Variants in LLGL2 observed in about 807,000 individuals in gnomAD.
LLGL2 encodes the protein LLGL scribble cell polarity complex component 2.
A neutral mutation model predicts 123.2 loss-of-function variants in LLGL2; 81 were observed. The ratio of observed to expected loss-of-function variants is 0.66; its 90% CI spans 0.55 to 0.79. The LOEUF (loss-of-function observed/expected upper bound fraction) is 0.79, where lower values mean the gene tolerates loss of function less well. Ranked by LOEUF, LLGL2 falls within the 30% of genes least tolerant of loss-of-function variation. The pLI is 0.00. For synonymous variants in LLGL2, 577 were observed against 594.1 expected (o/e 0.97, Z 0.42); for missense variants, 1,273 against 1,414.6 (o/e 0.90, Z 1.61).
chr17:75,571,922 G>C lies in LLGL2; in HGVS notation c.2318G>C (p.Arg773Pro). 6.2e-7 allele frequency: 1 copy of C among 1,612,350 alleles called. No homozygotes were observed. Among genetic ancestry groups the C allele is most frequent in the Non-Finnish European group, 8.5e-7 (1 of 1,179,978 alleles). Residue 773 changes from arginine to proline, a missense_variant, in exon 19 of 26, where the codon CGG (arginine) becomes CCG (proline). Coordinates refer to ENST00000392550, the MANE Select transcript of LLGL2 (RefSeq NM_001031803.2). ...EQAKEIQLMH[R>P]APVVGILVLD... ...GCCAAGGAGATCCAGCTGATGCACC[G>C]GGCGCCGGTGGTGGGCATCCTGGTG...
intron 10 of LLGL2, among the ~76,000 whole-genome samples, chr17:75,567,439 G>C (rs528374884): frequency 1.6e-3 from 238 of 152,068 alleles, no homozygotes; most frequent in Middle Eastern, 6.8e-3. Flanking sequence ...ACTCCAGCCT[G>C]GGCAACAAGA....
At position 75,541,181 on chromosome 17, in the gene LLGL2, A is replaced by T. The variant is rs183143958; in HGVS notation, c.-30-2216A>T. ...CCCCAGTTCTGCCTTGTCACTTTTA[A>T]GCCTGTGTGGAGTCTTTGGCACGGA... On this transcript the variant is annotated intron_variant, in intron 1 of 25. Coordinates refer to ENST00000392550, the MANE Select transcript of LLGL2 (RefSeq NM_001031803.2). Among the ~76,000 whole-genome samples the T allele has an allele frequency of 3.3e-3, 495 of 152,236 alleles. 1 individual carries two copies. Among genetic ancestry groups the T allele is most frequent in the Middle Eastern group, 6.8e-3 (2 of 294 alleles).
intron 10 of LLGL2, 26 bp from the exon 11 acceptor site, chr17:75,568,449 GC>G (rs745515843): frequency 6.2e-7 from 1 of 1,605,930 alleles, no homozygotes; most frequent in Non-Finnish European, 8.5e-7. Flanking sequence ...CCTGGCCCCG[GC>G]CCCTGACCCT....
chr17:75,532,999 A>T (rs1313745610), intron 1 of LLGL2, among the ~76,000 whole-genome samples: 4 of 151,996 alleles, frequency 2.6e-5, no homozygotes, highest in Non-Finnish European at 5.9e-5. Context: ...CATTCATTCA[A>T]GTACTTTTTT....
chr17:75,532,085 T>G (rs1256939657), intron 1 of LLGL2, among the ~76,000 whole-genome samples: 1 of 36,634 alleles, frequency 2.7e-5, no homozygotes, highest in Non-Finnish European at 1.0e-4. Flanking sequence ...CACTTTTTTT[T>G]TTTTTTTTTT....
intron 1 of LLGL2, among the ~76,000 whole-genome samples, chr17:75,534,011 A>G (rs1452405344): frequency 1.3e-5 from 2 of 150,136 alleles, no homozygotes; most frequent in Non-Finnish European, 3.0e-5. Flanking sequence ...CAGCTGTTCC[A>G]GTTTTAGGGC....
At position 75,574,713 on chromosome 17, in the gene LLGL2, G is replaced by A. The variant is rs574749323; in HGVS notation, c.3055+45G>A. Reference sequence around the variant, plus strand: ...GTGCAGCTGCCAACCGTGCTGGGAAGGGCTGGGAGGAAGAGCCCCGGCCCC... The same window carrying A: ...GTGCAGCTGCCAACCGTGCTGGGAAAGGCTGGGAGGAAGAGCCCCGGCCCC... On this transcript the variant is annotated intron_variant, in intron 25 of 25. Transcript: ENST00000392550. 134 of 1,603,616 alleles carry A rather than the reference G, an allele frequency of 8.4e-5. No individual in the cohort carries two copies. In the South Asian group the frequency reaches 1.2e-3, roughly 15 times the overall value.
At position 75,573,263 on chromosome 17, in the gene LLGL2, A is replaced by G; in HGVS notation, c.2710A>G (p.Thr904Ala). Reference protein sequence around the residue: ...DVSGIASCVFTKYGQGFYLIS... With the variant: ...DVSGIASCVFAKYGQGFYLIS... Reference sequence around the variant, plus strand: ...CAGTGGCATCGCCTCCTGCGTCTTCACCAAATATGGCCAAGGTGTTTGAGC... The same window carrying G: ...CAGTGGCATCGCCTCCTGCGTCTTCGCCAAATATGGCCAAGGTGTTTGAGC... The change falls in exon 20 of 26, where the codon ACC (threonine) becomes GCC (alanine). Residue 904 changes from threonine to alanine, a missense_variant. Transcript: ENST00000392550. 3.7e-6 allele frequency: 6 copies of G among 1,601,764 alleles called. No homozygotes were observed. Among genetic ancestry groups the G allele is most frequent in the Non-Finnish European group, 5.1e-6 (6 of 1,171,372 alleles).
chr17:75,573,064 C>G lies in LLGL2; in HGVS notation c.2511C>G (p.Ala837=). ...CCAAGCTGAAGTTGAAGCTGACGGC[C>G]CTGGAGGGCTCAAGAGTGCGGCGGG... ...VSAKLKLKLT[A]LEGSRVRRVS... The change falls in exon 20 of 26, where the codon GCC becomes GCG. Residue 837 remains alanine (A), a synonymous_variant. Transcript: ENST00000392550. 1 of 1,613,128 alleles carries G rather than the reference C, an allele frequency of 6.2e-7. No homozygotes were observed. The highest frequency in any genetic ancestry group is 1.1e-5 in the South Asian group (1 of 91,076).
intron 6 of LLGL2, among the ~76,000 whole-genome samples, chr17:75,560,845 AT>A (rs201231487): frequency 0.014 from 1,800 of 133,318 alleles, 60 homozygotes; most frequent in African/African-American, 0.051. Flanking sequence ...AAGAAAAAAC[AT>A]TTTTTTTGAG....
In LLGL2 at chr17:75,571,929, G is replaced by A. The variant is rs539488839; in HGVS notation, c.2325G>A (p.Pro775=). The A allele has an allele frequency of 1.1e-4, 175 of 1,612,596 alleles. No individual in the cohort carries two copies. Among genetic ancestry groups the A allele is most frequent in the East Asian group, 3.6e-4 (16 of 44,866 alleles). ...AKEIQLMHRA[P]VVGILVLDGH... ...AGATCCAGCTGATGCACCGGGCGCC[G>A]GTGGTGGGCATCCTGGTGCTCGACG... The change falls in exon 19 of 26, where the codon CCG becomes CCA. Residue 775 remains proline, a synonymous_variant. Transcript: ENST00000392550.
At chr17:75,547,818 C>T (rs1268477443) in intron 2 of LLGL2, among the ~76,000 whole-genome samples, 2 of 119,286 alleles carry the variant, frequency 1.7e-5, no homozygotes, top group East Asian at 4.0e-4. Context: ...GAGTGAGACC[C>T]TGTCTCAAAA....
At chr17:75,567,213 T>G (rs991826886) in intron 10 of LLGL2, among the ~76,000 whole-genome samples, 1 of 152,118 alleles carries the variant, frequency 6.6e-6, no homozygotes, top group Non-Finnish European at 1.5e-5. Context: ...GCTGTAATCC[T>G]AGCACTTTGG....
chr17:75,545,385 C>T lies in LLGL2; in HGVS notation c.75+1884C>T, dbSNP rs74693238. On this transcript the variant is annotated intron_variant, in intron 2 of 25. Transcript: ENST00000392550. ...GGGCTATGGGAATCTGATTAGGCCTCTGCCCTCCACTTTTACAGTCTGCAG... is the reference window on the plus strand; with the variant it reads ...GGGCTATGGGAATCTGATTAGGCCTTTGCCCTCCACTTTTACAGTCTGCAG... Among the ~76,000 whole-genome samples the T allele has an allele frequency of 1.4e-4, 22 of 152,336 alleles. No homozygotes were observed. In the East Asian group the frequency reaches 4.2e-3, roughly 29 times the overall value.
Position 75,573,122 on chromosome 17 carries a change from G to A in LLGL2, c.2569G>A (p.Glu857Lys), listed in dbSNP as rs560808617. 9 of 1,613,038 alleles carry A rather than the reference G, an allele frequency of 5.6e-6. No homozygotes were observed. Among genetic ancestry groups the A allele is most frequent in the South Asian group, 1.1e-5 (1 of 91,078 alleles). ...GGCCCACTTCGGCAGTCGTCGAGCC[G>A]AGGACTACGGGGAGCACCACCTGGC... Reference protein sequence around the residue: ...SVAHFGSRRAEDYGEHHLAVL... With the variant: ...SVAHFGSRRAKDYGEHHLAVL... Residue 857 changes from glutamate (E) to lysine (K), a missense_variant, in exon 20 of 26, where the codon GAG becomes AAG. Transcript: ENST00000392550.
rs2055908518 is a variant in LLGL2, at chr17:75,574,983, G to T, written c.*105G>T. 2 of 1,527,074 alleles carry T rather than the reference G, an allele frequency of 1.3e-6. No homozygotes were observed. Among genetic ancestry groups the T allele is most frequent in the Admixed American group, 3.3e-5 (2 of 59,888 alleles). 94.6% of individuals were successfully genotyped at this position (1,527,074 alleles called of 1,614,324 possible). On this transcript the variant is annotated 3_prime_UTR_variant, in exon 26 of 26. Coordinates refer to ENST00000392550, the MANE Select transcript of LLGL2 (RefSeq NM_001031803.2). ...GCCGGTGCACAGGGCCCCGCCAGGG[G>T]CTGGGGGCATCCCGGCTTCCACAAT...
chr17:75,565,361 C>T (rs1379115023), intron 10 of LLGL2, among the ~76,000 whole-genome samples: 1 of 152,202 alleles, frequency 6.6e-6, no homozygotes, highest in African/African-American at 2.4e-5. Flanking sequence ...GGCCTGAGGC[C>T]GAAAGGTGAG....
intron 2 of LLGL2, among the ~76,000 whole-genome samples, chr17:75,555,700 C>T (rs2054878869): frequency 6.6e-6 from 1 of 152,196 alleles, no homozygotes; most frequent in African/African-American, 2.4e-5. Context: ...TTTCCCCACC[C>T]CACACCCATA....
chr17:75,572,801 C>A (rs2055783415), intron 19 of LLGL2, among the ~76,000 whole-genome samples: 1 of 150,232 alleles, frequency 6.7e-6, no homozygotes. Flanking sequence ...GCCTGGGCGA[C>A]AGAGCAAGAC....
Sources: gnomAD v4.1 joint callset for allele counts (sites outside exome capture counted in the v4.1 genomes callset) on GRCh38, gnomAD v4.1.1 for gene constraint, MANE v1.5 for transcripts, NCBI Gene and HGNC (gene_info 2026-07-23, HGNC 2026-07-21) for gene names.